Variants in SLC14A2 observed in about 807,000 individuals in gnomAD.
SLC14A2 encodes the protein solute carrier family 14 member 2.
SLC14A2 carries 91 observed loss-of-function variants against 104.6 expected under a neutral mutation model. The observed-to-expected ratio is 0.87, with a 90% CI of 0.73 to 1.04. The LOEUF (loss-of-function observed/expected upper bound fraction) is 1.04, where lower values mean the gene tolerates loss of function less well. Among genes scored for constraint, SLC14A2 ranks in the 50% least tolerant of loss-of-function variants. SLC14A2 has a pLI of 0.00. For missense variants in SLC14A2, 1,189 were observed against 1,156.0 expected (o/e 1.03, Z -0.41); for synonymous variants, 476 against 466.4 (o/e 1.02, Z -0.27).
At chr18:45,341,979 A>T (rs1312793864) in intron 1 of SLC14A2, among the ~76,000 whole-genome samples, 1 of 152,182 alleles carries the variant, frequency 6.6e-6, no homozygotes, top group Admixed American at 6.5e-5. Flanking sequence ...CTGGAGTTAT[A>T]GTGTTGTTCA....
intron 1 of SLC14A2, among the ~76,000 whole-genome samples, chr18:45,474,279 C>T (rs1051015521): frequency 6.6e-6 from 1 of 152,048 alleles, no homozygotes; most frequent in Non-Finnish European, 1.5e-5. Context: ...TTTGGTTTGC[C>T]CGTATTTTAT....
chr18:45,474,338 CTT>C (rs969743016), intron 1 of SLC14A2, among the ~76,000 whole-genome samples: 2 of 151,966 alleles, frequency 1.3e-5, no homozygotes, highest in Non-Finnish European at 2.9e-5. Context: ...CAGAAATTTT[CTT>C]TTTTTGTTGT....
chr18:45,266,511 A>C (rs1012173860), intron 1 of SLC14A2, among the ~76,000 whole-genome samples: 1 of 152,122 alleles, frequency 6.6e-6, no homozygotes, highest in Non-Finnish European at 1.5e-5. Context: ...TACTGAGTGC[A>C]TGGCCTCTTC....
chr18:45,258,379 A>C (rs1599620361), intron 1 of SLC14A2, among the ~76,000 whole-genome samples: 1 of 142,552 alleles, frequency 7.0e-6, no homozygotes, highest in East Asian at 2.0e-4. Context: ...AAACATTACC[A>C]GTATCAGGAG....
chr18:45,257,565 G>T (rs1015433084), intron 1 of SLC14A2, among the ~76,000 whole-genome samples: 1 of 152,272 alleles, frequency 6.6e-6, no homozygotes, highest in Admixed American at 6.5e-5. Context: ...TGCAAGTCAT[G>T]AGTTTTTAGA....
chr18:45,406,977 T>G (rs1396504176), intron 1 of SLC14A2, among the ~76,000 whole-genome samples: 1 of 152,114 alleles, frequency 6.6e-6, no homozygotes, highest in South Asian at 2.1e-4. Flanking sequence ...GGCCCTGGGA[T>G]TTTCACAGTG....
chr18:45,655,381 C>T (rs559926041), intron 10 of SLC14A2, among the ~76,000 whole-genome samples: 1 of 152,276 alleles, frequency 6.6e-6, no homozygotes, highest in African/African-American at 2.4e-5. Flanking sequence ...CATGAATGTG[C>T]CCAGATGTGA....
intron 2 of SLC14A2, among the ~76,000 whole-genome samples, chr18:45,514,145 C>G (rs2852308): frequency 0.55 from 84,309 of 152,072 alleles, 26,156 homozygotes; most frequent in Non-Finnish European, 0.69. Context: ...TAAAGACATG[C>G]CTGAGACTGG....
At chr18:45,176,523 A>G in the SLC14A2 span, among the ~76,000 whole-genome samples, 1 of 152,060 alleles carries the variant, frequency 6.6e-6, no homozygotes, top group Non-Finnish European at 1.5e-5. Flanking sequence ...TAATACTTCC[A>G]TTTCTATGGC....
At chr18:45,521,579 C>G (rs72902310) in intron 2 of SLC14A2, among the ~76,000 whole-genome samples, 15,288 of 152,146 alleles carry the variant, frequency 0.1, 840 homozygotes, top group Non-Finnish European at 0.12. Flanking sequence ...GAAAGTAACC[C>G]TGTTTCCTTT....
At chr18:45,276,286 A>C (rs574773959) in intron 1 of SLC14A2, among the ~76,000 whole-genome samples, 65 of 152,346 alleles carry the variant, frequency 4.3e-4, no homozygotes, top group Non-Finnish European at 7.8e-4. Flanking sequence ...TGCTATGCTA[A>C]TAGGGACCCA....
At chr18:45,233,750 C>T (rs2084197647) in intron 1 of SLC14A2, among the ~76,000 whole-genome samples, 2 of 144,366 alleles carry the variant, frequency 1.4e-5, no homozygotes, top group African/African-American at 5.2e-5. Context: ...TTTCCCGCCC[C>T]ACCCCCCGCT....
chr18:45,277,364 A>G (rs1340750723), intron 1 of SLC14A2, among the ~76,000 whole-genome samples: 3 of 152,380 alleles, frequency 2.0e-5, no homozygotes, highest in Non-Finnish European at 2.9e-5. Context: ...CCAGAATGTT[A>G]AAATGTGAAA....
chr18:45,257,493 G>A (rs1286512114), intron 1 of SLC14A2, among the ~76,000 whole-genome samples: 1 of 152,142 alleles, frequency 6.6e-6, no homozygotes, highest in Non-Finnish European at 1.5e-5. Flanking sequence ...CTATTGGCCA[G>A]CAAGAAGAAA....
chr18:45,673,135 C>T (rs1000501), intron 17 of SLC14A2, 88 bp downstream of exon 17: 546,374 of 1,223,566 alleles, frequency 0.45, 124,284 homozygotes, highest in African/African-American at 0.55. Context: ...TTCAACACTC[C>T]ACCTGCTGAT....
the SLC14A2 span, among the ~76,000 whole-genome samples, chr18:45,200,002 G>A: frequency 1.3e-5 from 2 of 152,124 alleles, no homozygotes; most frequent in Admixed American, 1.3e-4. Context: ...CCATACATAT[G>A]GAGCTAGTCT....
the SLC14A2 span, among the ~76,000 whole-genome samples, chr18:45,178,210 TAAGAA>T: frequency 1.1e-4 from 16 of 152,042 alleles, no homozygotes; most frequent in African/African-American, 3.9e-4. Context: ...TATCAAAACA[TAAGAA>T]AAGTGAACAG....
intron 2 of SLC14A2, among the ~76,000 whole-genome samples, chr18:45,549,752 T>G (rs67882421): frequency 0.083 from 12,677 of 152,138 alleles, 607 homozygotes; most frequent in East Asian, 0.2. Flanking sequence ...TAAGCTCTTG[T>G]GTTTGTGCTG....
intron 9 of SLC14A2, 30 bp from the exon 10 acceptor site, chr18:45,643,956 T>A: frequency 6.2e-7 from 1 of 1,603,542 alleles, no homozygotes; most frequent in Non-Finnish European, 8.5e-7. Context: ...ACTAGGAAAC[T>A]TCTTCAGTCC....
Sources: gnomAD v4.1 joint callset for allele counts (sites outside exome capture counted in the v4.1 genomes callset) on GRCh38, gnomAD v4.1.1 for gene constraint, MANE v1.5 for transcripts, NCBI Gene and HGNC (gene_info 2026-07-23, HGNC 2026-07-21) for gene names.